Variants in SP3 observed in about 807,000 individuals in gnomAD.
SP3 encodes Sp3 transcription factor.
SP3 carries 10 observed loss-of-function variants against 70.3 expected under a neutral mutation model. The ratio of observed to expected loss-of-function variants is 0.14; its 90% CI spans 0.09 to 0.24. SP3 has a LOEUF of 0.24. SP3 is among the 10% of genes least tolerant of loss of function. The pLI, the probability that SP3 is intolerant of heterozygous loss-of-function variation, is 1.00. For missense variants in SP3, 825 were observed against 914.6 expected, an observed-to-expected ratio of 0.90 and a Z score of 1.26; for synonymous variants, 402 against 333.5, an observed-to-expected ratio of 1.21 and a Z score of -2.24.
At position 173,954,936 on chromosome 2, in the gene SP3, C is replaced by T. The variant is rs781015539; in HGVS notation, c.1576G>A (p.Val526Met). Residue 526 changes from valine (V) to methionine (M), a missense_variant, in exon 4 of 7, where the codon GTG (valine) becomes ATG (methionine). Physicochemically the swap from Val to Met is conservative, Grantham distance 21. Around this residue, in one of 4 missense-constraint regions of SP3, gnomAD observed 678 missense variants for 651.6 expected, o/e 1.04. Transcript: ENST00000310015. Reference protein sequence around the residue: ...GQLPNLQTVTVNSIDSAGIQL... With the variant: ...GQLPNLQTVTMNSIDSAGIQL... The stretch of plus-strand genomic sequence containing the variant: ...ATACCAGCAGAATCTATAGAGTTCA[C>T]TGTAACTGTTTGTAGATTTGGCAAC... 8 of 1,614,194 alleles carry T rather than the reference C, an allele frequency of 5.0e-6. No individual in the cohort carries two copies. The highest frequency in any genetic ancestry group is 4.4e-5 in the South Asian group (4 of 91,084).
rs1276385682 is a variant in SP3, at chr2:173,965,346, C to A, written c.-175G>T. On this transcript the variant is annotated 5_prime_UTR_variant, in exon 1 of 7. Coordinates refer to ENST00000310015, the MANE Select transcript of SP3 (RefSeq NM_003111.5). The stretch of plus-strand genomic sequence containing the variant: ...GCGGGAAACACAAAAGGTGGAGCCT[C>A]CAGCCCAAAAGGGGGGAAGAGGGTG... 2 of 728,094 alleles carry A rather than the reference C, an allele frequency of 2.7e-6. No individual in the cohort carries two copies. The highest frequency in any genetic ancestry group is 4.5e-6 in the Non-Finnish European group (2 of 444,292). 45.1% of individuals were successfully genotyped at this position (728,094 alleles called of 1,614,324 possible).
intron 4 of SP3, among the ~76,000 whole-genome samples, chr2:173,930,837 G>A (rs1341910160): frequency 1.3e-5 from 2 of 152,068 alleles, no homozygotes; most frequent in South Asian, 4.2e-4. Flanking sequence ...CTGTCTAATA[G>A]AAATACAATG....
intron 1 of SP3, chr2:173,964,922 TC>T (rs1237746079): frequency 1.9e-6 from 1 of 521,618 alleles, no homozygotes; most frequent in African/African-American, 2.1e-5. Flanking sequence ...GGGGATGCGC[TC>T]CCGGCGGACC....
At chr2:173,931,847 G>C (rs1199904899) in intron 4 of SP3, among the ~76,000 whole-genome samples, 5 of 152,200 alleles carry the variant, frequency 3.3e-5, no homozygotes, top group Non-Finnish European at 7.3e-5. Flanking sequence ...GAATTGAAGA[G>C]TTAGGGGCCT....
rs1028280074 is a variant in SP3 at position 173,924,072 on chromosome 2, C to T, written c.1640-5287G>A. Among the ~76,000 whole-genome samples, 3 of 152,058 alleles carry T rather than the reference C, an allele frequency of 2.0e-5. No individual in the cohort carries two copies. The East Asian group carries it at 5.8e-4, about 29-fold the overall frequency. Reference sequence around the variant, plus strand: ...GGTTTTTAAAACTAAATGTTATCCCCTTACCAAATATAATAATAATTTTAA... The same window carrying T: ...GGTTTTTAAAACTAAATGTTATCCCTTTACCAAATATAATAATAATTTTAA... On this transcript the variant is annotated intron_variant, in intron 4 of 6. Coordinates refer to ENST00000310015, the MANE Select transcript of SP3 (RefSeq NM_003111.5).
At chr2:173,946,896 T>TA (rs1553517963) in intron 4 of SP3, among the ~76,000 whole-genome samples, 2 of 151,386 alleles carry the variant, frequency 1.3e-5, no homozygotes, top group Non-Finnish European at 2.9e-5. Flanking sequence ...TTTTTTTTTT[T>TA]AAGGTAGACG....
At position 173,965,342 on chromosome 2, in the gene SP3, G is replaced by T; in HGVS notation, c.-171C>A. On this transcript the variant is annotated 5_prime_UTR_variant, in exon 1 of 7. Transcript: ENST00000310015. The stretch of plus-strand genomic sequence containing the variant: ...CTGTGCGGGAAACACAAAAGGTGGA[G>T]CCTCCAGCCCAAAAGGGGGGAAGAG... The T allele has an allele frequency of 1.3e-6, 1 of 746,610 alleles. No individual in the cohort carries two copies. The highest frequency in any genetic ancestry group is 2.2e-6 in the Non-Finnish European group (1 of 457,434). 46.2% of individuals were successfully genotyped at this position (746,610 alleles called of 1,614,324 possible).
At position 173,910,665 on chromosome 2, in the gene SP3, A is replaced by G. The variant is rs554557871; in HGVS notation, c.2030-408T>C. 1.6e-4 allele frequency among the ~76,000 whole-genome samples: 25 copies of G among 152,326 alleles called. No individual in the cohort carries two copies. The South Asian group carries it at 5.2e-3, about 32-fold the overall frequency. On this transcript the variant is annotated intron_variant, in intron 6 of 6. Coordinates refer to ENST00000310015, the MANE Select transcript of SP3 (RefSeq NM_003111.5). ...AAAATACTAACATGCCATGTTCATG[A>G]TACTAAACCTTCAACTCTTAAATAT...
chr2:173,925,186 C>T (rs553352374), intron 4 of SP3, among the ~76,000 whole-genome samples: 7 of 152,340 alleles, frequency 4.6e-5, no homozygotes, highest in African/African-American at 1.7e-4. Context: ...GCGTGAGCCA[C>T]CACGCTCAGC....
At position 173,904,800 on chromosome 2, in the gene SP3, C is replaced by A. The variant is rs561674469; in HGVS notation, c.*5141G>T. ...ATCCTAAAAGGTCACTAAGCCAATACTTCCTGTATTTCGTTGTTGTCGATT... is the reference window on the plus strand; with the variant it reads ...ATCCTAAAAGGTCACTAAGCCAATAATTCCTGTATTTCGTTGTTGTCGATT... On this transcript the variant is annotated 3_prime_UTR_variant, in exon 7 of 7. Transcript: ENST00000310015. Among the ~76,000 whole-genome samples, 60 of 152,320 alleles carry A rather than the reference C, an allele frequency of 3.9e-4. No individual in the cohort carries two copies. Among genetic ancestry groups the A allele is most frequent in the African/African-American group, 1.4e-3 (58 of 41,580 alleles).
chr2:173,932,443 G>A (rs1690091111), intron 4 of SP3, among the ~76,000 whole-genome samples: 5 of 152,014 alleles, frequency 3.3e-5, no homozygotes, highest in Admixed American at 2.6e-4. Context: ...CGCCCATCTC[G>A]GCCTCCCAAA....
chr2:173,954,621 T>C (rs1440779624), intron 4 of SP3, among the ~76,000 whole-genome samples: 2 of 152,050 alleles, frequency 1.3e-5, no homozygotes, highest in Non-Finnish European at 2.9e-5. Flanking sequence ...AAAACAAATA[T>C]AAAATTAAGA....
intron 4 of SP3, among the ~76,000 whole-genome samples, chr2:173,939,780 A>AAAAAAAAAAAAC: frequency 6.6e-6 from 1 of 151,682 alleles, no homozygotes; most frequent in Non-Finnish European, 1.5e-5. Flanking sequence ...AAAAAAAAAA[A>AAAAAAAAAAAAC]AAGTTACACT....
chr2:173,919,936 A>G (rs1344671534), intron 4 of SP3, among the ~76,000 whole-genome samples: 3 of 151,984 alleles, frequency 2.0e-5, no homozygotes, highest in African/African-American at 4.8e-5. Flanking sequence ...TAATCACCCT[A>G]AACTAGAAAA....
rs531667298 is a variant in SP3, at chr2:173,965,292, G to T, written c.-121C>A. On this transcript the variant is annotated 5_prime_UTR_variant, in exon 1 of 7. Coordinates refer to ENST00000310015, the MANE Select transcript of SP3 (RefSeq NM_003111.5). ...GCGGACACGGCCGGAGCGGTCCGGG[G>T]ATTTTTTTTTCCTATTTTGATTGAC... The T allele has an allele frequency of 2.5e-6, 3 of 1,200,902 alleles. No homozygotes were observed. The highest frequency in any genetic ancestry group is 2.3e-5 in the Admixed American group (1 of 42,730). 74.4% of individuals were successfully genotyped at this position (1,200,902 alleles called of 1,614,324 possible). A position where few individuals can be genotyped will look rare whatever the true frequency, so the allele number is the denominator to read the frequency against.
chr2:173,959,760 A>G (rs1371678160), intron 3 of SP3, among the ~76,000 whole-genome samples: 2 of 152,328 alleles, frequency 1.3e-5, no homozygotes, highest in Non-Finnish European at 2.9e-5. Context: ...TCTCAAAAAA[A>G]TAAAAATAAA....
chr2:173,930,773 T>A (rs7597498), intron 4 of SP3, among the ~76,000 whole-genome samples: 5,622 of 152,326 alleles, frequency 0.037, 373 homozygotes, highest in African/African-American at 0.13. Flanking sequence ...TAGAGCATAC[T>A]ATTCCTTGTA....
intron 4 of SP3, among the ~76,000 whole-genome samples, chr2:173,952,013 T>A (rs2105494567): frequency 6.6e-6 from 1 of 152,256 alleles, no homozygotes; most frequent in Non-Finnish European, 1.5e-5. Flanking sequence ...TTTTCTAAAA[T>A]TCTAATTTTC....
At chr2:173,951,864 G>A (rs888596594) in intron 4 of SP3, among the ~76,000 whole-genome samples, 3 of 152,024 alleles carry the variant, frequency 2.0e-5, no homozygotes, top group Non-Finnish European at 2.9e-5. Context: ...GAAAACTGCC[G>A]GTTCACTGAA....
Sources: allele counts gnomAD v4.1 joint callset (sites outside exome capture counted in the v4.1 genomes callset), GRCh38; gene constraint gnomAD v4.1.1; regional missense constraint gnomAD v4.1.1; transcripts MANE v1.5; gene names NCBI Gene and HGNC (gene_info 2026-07-23, HGNC 2026-07-21).